The following C10orf90 variants were observed in gnomAD, a reference collection of about 807,000 sequenced individuals.
C10orf90 encodes the protein chromosome 10 open reading frame 90.
In C10orf90, 56 loss-of-function variants were observed where a neutral mutation model predicts 62.5. The ratio of observed to expected loss-of-function variants is 0.90; its 90% confidence interval spans 0.72 to 1.12. The LOEUF (loss-of-function observed/expected upper bound fraction) is 1.12. C10orf90 is among the 50% of genes most tolerant of loss of function. The pLI is 0.00. For missense variants in C10orf90, 970 were observed against 880.4 expected, an observed-to-expected ratio of 1.10 and a Z score of -1.29; for synonymous variants, 386 against 340.4, an observed-to-expected ratio of 1.13 and a Z score of -1.47.
intron 4 of C10orf90, among the ~76,000 whole-genome samples, chr10:126,485,066 T>C (rs1292583342): frequency 6.6e-6 from 1 of 152,180 alleles, no homozygotes; most frequent in Non-Finnish European, 1.5e-5. Context: ...AGCCCTAATC[T>C]CAGTGTGATA....
rs143698593 is a variant in C10orf90 at position 126,665,699 on chromosome 10, C to T, written c.240+4542G>A. Among the ~76,000 whole-genome samples, 434 of 152,276 alleles carry T rather than the reference C, an allele frequency of 2.9e-3. 3 individuals carry two copies. In the Middle Eastern group the frequency reaches 0.041, roughly 14 times the overall value. On this transcript the variant is annotated intron_variant, in intron 1 of 9. Transcript: ENST00000488181. ...AGGTGAGTCCTACAATTGTCCCCAC[C>T]TGGAGGCAGTGTCCAGGCTGCAGCT...
At chr10:126,493,170 A>G (rs1861852306) in intron 4 of C10orf90, among the ~76,000 whole-genome samples, 1 of 151,318 alleles carries the variant, frequency 6.6e-6, no homozygotes. Context: ...GTTGAAAAAA[A>G]AAAAAAGGAA....
At chr10:126,564,843 T>TTA (rs1554916918) in intron 2 of C10orf90, among the ~76,000 whole-genome samples, 1,117 of 3,522 alleles carry the variant, frequency 0.32, 258 homozygotes, top group South Asian at 0.41. Context: ...TATATATATA[T>TTA]TATATATTAT....
At chr10:126,528,652 G>A (rs888361804) in intron 2 of C10orf90, among the ~76,000 whole-genome samples, 6 of 152,192 alleles carry the variant, frequency 3.9e-5, no homozygotes, top group Non-Finnish European at 7.3e-5. Flanking sequence ...GGAGCCAAGC[G>A]AGTCACTTAC....
intron 1 of C10orf90, among the ~76,000 whole-genome samples, chr10:126,657,461 C>T (rs1846417286): frequency 1.3e-5 from 2 of 152,160 alleles, no homozygotes; most frequent in Non-Finnish European, 2.9e-5. Context: ...CCTCACAGTT[C>T]ATCCAAAGGT....
intron 4 of C10orf90, among the ~76,000 whole-genome samples, chr10:126,492,354 A>C (rs918269564): frequency 4.6e-5 from 7 of 152,162 alleles, no homozygotes; most frequent in African/African-American, 7.2e-5. Context: ...TATCCAGCCC[A>C]CAATGTGAAT....
intron 2 of C10orf90, among the ~76,000 whole-genome samples, chr10:126,541,077 G>A (rs552389557): frequency 5.5e-4 from 84 of 152,190 alleles, no homozygotes; most frequent in Middle Eastern, 3.4e-3. Context: ...TCTAGAAGCC[G>A]TGAAAGATGA....
intron 2 of C10orf90, among the ~76,000 whole-genome samples, chr10:126,641,645 G>C (rs965669581): frequency 6.6e-6 from 1 of 151,878 alleles, no homozygotes; most frequent in Non-Finnish European, 1.5e-5. Context: ...CAGTCTCATC[G>C]GCAGACAGGT....
In C10orf90 at chr10:126,463,763, C is replaced by T. The variant is rs142134986; in HGVS notation, c.1825+933G>A. On this transcript the variant is annotated intron_variant, in intron 5 of 9. Coordinates refer to ENST00000488181, the MANE Select transcript of C10orf90 (RefSeq NM_001350921.2). ...AGTCCCTCCTCTGAGTGTCAGGGGCCGTCCTCGGCTTCCCCATGGCCCACC... is the reference window on the plus strand; with the variant it reads ...AGTCCCTCCTCTGAGTGTCAGGGGCTGTCCTCGGCTTCCCCATGGCCCACC... Among the ~76,000 whole-genome samples, 1,365 of 152,332 alleles carry T rather than the reference C, an allele frequency of 9.0e-3. 16 individuals are homozygous for T. Among genetic ancestry groups the T allele is most frequent in the African/African-American group, 0.031 (1,277 of 41,564 alleles).
chr10:126,487,811 A>T (rs1465150128), intron 4 of C10orf90, among the ~76,000 whole-genome samples: 1 of 152,226 alleles, frequency 6.6e-6, no homozygotes, highest in African/African-American at 2.4e-5. Context: ...ATAATATAAA[A>T]GGAAAGTCCA....
Position 126,663,591 on chromosome 10 carries a change from C to T in C10orf90, c.240+6650G>A, listed in dbSNP as rs118069884. Among the ~76,000 whole-genome samples the T allele has an allele frequency of 8.7e-3, 1,329 of 152,272 alleles. 9 individuals are homozygous for T. Among genetic ancestry groups the T allele is most frequent in the Non-Finnish European group, 0.014 (977 of 68,018 alleles). On this transcript the variant is annotated intron_variant, in intron 1 of 9. Transcript: ENST00000488181. ...TCTCCGTCTCTCAGCTCTCCTTGCA[C>T]GCAGTGGTCCTGGCTTCCACACTGT...
intron 7 of C10orf90, among the ~76,000 whole-genome samples, chr10:126,458,210 G>T (rs1027652055): frequency 6.6e-6 from 1 of 152,116 alleles, no homozygotes; most frequent in African/African-American, 2.4e-5. Flanking sequence ...ATTGAACATG[G>T]TTATTTCCCC....
intron 2 of C10orf90, among the ~76,000 whole-genome samples, chr10:126,597,193 C>T (rs1375080558): frequency 6.6e-6 from 1 of 152,224 alleles, no homozygotes; most frequent in African/African-American, 2.4e-5. Flanking sequence ...AGCAAACCCA[C>T]TCCTACAGAT....
At chr10:126,659,825 T>C (rs1846472087) in intron 1 of C10orf90, among the ~76,000 whole-genome samples, 1 of 152,256 alleles carries the variant, frequency 6.6e-6, no homozygotes, top group South Asian at 2.1e-4. Context: ...GAAGATCTCT[T>C]ACATGCACTG....
At chr10:126,568,319 T>C (rs530973394) in intron 2 of C10orf90, among the ~76,000 whole-genome samples, 2 of 152,304 alleles carry the variant, frequency 1.3e-5, no homozygotes, top group East Asian at 3.9e-4. Context: ...GCATTTTCTG[T>C]TGCTGGCAGA....
intron 4 of C10orf90, among the ~76,000 whole-genome samples, chr10:126,501,836 G>A (rs1036128329): frequency 5.9e-5 from 9 of 152,106 alleles, no homozygotes; most frequent in African/African-American, 2.2e-4. Context: ...AAAACCGTAT[G>A]TTCTCATAAG....
At chr10:126,617,865 G>T (rs1038805510) in intron 2 of C10orf90, among the ~76,000 whole-genome samples, 19 of 152,330 alleles carry the variant, frequency 1.2e-4, no homozygotes, top group African/African-American at 4.6e-4. Context: ...TATACAGTCG[G>T]AGAGAAAGAG....
At chr10:126,517,738 C>T (rs181162277) in intron 2 of C10orf90, among the ~76,000 whole-genome samples, 33 of 152,030 alleles carry the variant, frequency 2.2e-4, no homozygotes, top group African/African-American at 7.0e-4. Context: ...GGCGAAACCC[C>T]GTCTCTACTA....
At chr10:126,530,440 C>T (rs369344135) in intron 2 of C10orf90, among the ~76,000 whole-genome samples, 11 of 151,144 alleles carry the variant, frequency 7.3e-5, no homozygotes, top group Non-Finnish European at 1.5e-4. Flanking sequence ...AATAAGAGAA[C>T]ATTATGAATA....
Sources: gnomAD v4.1 joint callset for allele counts (sites outside exome capture counted in the v4.1 genomes callset) on GRCh38, gnomAD v4.1.1 for gene constraint, MANE v1.5 for transcripts, NCBI Gene and HGNC (gene_info 2026-07-23, HGNC 2026-07-21) for gene names.